The following STK3 variants were observed in gnomAD, a reference collection of about 807,000 sequenced individuals.
STK3 encodes serine/threonine-protein kinase 3.
In STK3, 41 loss-of-function variants were observed where a neutral mutation model predicts 58.0. The observed-to-expected ratio is 0.71, with a 90% CI of 0.55 to 0.92. The LOEUF (loss-of-function observed/expected upper bound fraction) is 0.92. STK3 is among the 40% of genes least tolerant of loss of function. The probability of loss-of-function intolerance (pLI) is 0.00; values close to 1 mark genes in which losing one functional copy is unlikely to be tolerated. For missense variants in STK3, 479 were observed against 602.7 expected, an observed-to-expected ratio of 0.79 and a Z score of 2.15; for synonymous variants, 170 against 191.0, an observed-to-expected ratio of 0.89 and a Z score of 0.91.
At chr8:98,375,853 A>G (rs1817669079) in intron 2 of STK3, among the ~76,000 whole-genome samples, 1 of 152,202 alleles carries the variant, frequency 6.6e-6, no homozygotes, top group Non-Finnish European at 1.5e-5. Flanking sequence ...ACAATTATAA[A>G]TAAAGGTACT....
intron 1 of STK3, among the ~76,000 whole-genome samples, chr8:98,884,363 A>G (rs1424740888): frequency 6.6e-6 from 1 of 152,190 alleles, no homozygotes; most frequent in Non-Finnish European, 1.5e-5. Flanking sequence ...TTTTTAAATA[A>G]AAAATCCCCA....
intron 4 of STK3, among the ~76,000 whole-genome samples, chr8:98,746,044 T>G (rs546708342): frequency 1.9e-4 from 29 of 152,206 alleles, no homozygotes; most frequent in Non-Finnish European, 4.1e-4. Flanking sequence ...AATACGATAC[T>G]ATAATCTTAT....
At chr8:98,798,950 C>G (rs559179106) in intron 1 of STK3, among the ~76,000 whole-genome samples, 1 of 152,222 alleles carries the variant, frequency 6.6e-6, no homozygotes, top group Non-Finnish European at 1.5e-5. Context: ...GAGGATATAG[C>G]AACAAGACAC....
intron 6 of STK3, among the ~76,000 whole-genome samples, chr8:98,689,854 G>C (rs139180331): frequency 8.6e-4 from 131 of 152,244 alleles, no homozygotes; most frequent in South Asian, 1.5e-3. Flanking sequence ...CCACCATCAA[G>C]TGGGCTTTAT....
chr8:98,404,652 C>A (rs935297864), intron 3 of STK3, among the ~76,000 whole-genome samples: 3 of 134,234 alleles, frequency 2.2e-5, no homozygotes, highest in African/African-American at 8.7e-5. Context: ...TGCACTCCAG[C>A]CTGGGTGAAA....
chr8:98,587,141 T>A (rs949846477), intron 7 of STK3, among the ~76,000 whole-genome samples: 107 of 152,178 alleles, frequency 7.0e-4, no homozygotes, highest in Non-Finnish European at 1.3e-3. Flanking sequence ...TTCTGCTAGC[T>A]TTTGAATGTG....
chr8:98,344,841 C>T, the STK3 span, among the ~76,000 whole-genome samples: 35,878 of 136,272 alleles, frequency 0.26, 5,227 homozygotes, highest in Admixed American at 0.42. Flanking sequence ...TGCAGTGAGC[C>T]GAGATCCCGC....
At chr8:98,856,087 G>A (rs934305890) in intron 3 of STK3, among the ~76,000 whole-genome samples, 2 of 147,680 alleles carry the variant, frequency 1.4e-5, no homozygotes, top group African/African-American at 2.5e-5. Flanking sequence ...CCCAGGAGGC[G>A]GAGGTTGCAG....
At chr8:98,463,178 G>T (rs1216870631) in intron 10 of STK3, 2 of 152,108 alleles carry the variant, frequency 1.3e-5, no homozygotes, top group Non-Finnish European at 2.9e-5. Context: ...ATTATGGATG[G>T]ATGAATATTG....
chr8:98,911,388 T>TG lies in STK3; in HGVS notation c.-78-27555_-78-27554insC, dbSNP rs138390674. Among the ~76,000 whole-genome samples, 480 of 151,942 alleles carry TG rather than the reference T, an allele frequency of 3.2e-3. 1 individual carries two copies. The highest frequency in any genetic ancestry group is 0.031 in the South Asian group (148 of 4,800). ...TACTCATATAAATATTGTATTGTAT[T>TG]TATTTATTTATTTATTTATTTTGGA... On this transcript the variant is annotated intron_variant, in intron 1 of 1. Coordinates refer to the STK3 transcript ENST00000519420.
At chr8:98,373,530 T>C (rs892718593) in intron 2 of STK3, among the ~76,000 whole-genome samples, 2 of 152,208 alleles carry the variant, frequency 1.3e-5, no homozygotes, top group Non-Finnish European at 2.9e-5. Flanking sequence ...AGGCAGGTAC[T>C]ATTTTCATGC....
intron 6 of STK3, among the ~76,000 whole-genome samples, chr8:98,609,698 C>T (rs527549299): frequency 1.3e-5 from 2 of 152,226 alleles, no homozygotes; most frequent in South Asian, 2.1e-4. Context: ...ATGGTGGTTC[C>T]GCCTGTAATC....
intron 3 of STK3, among the ~76,000 whole-genome samples, chr8:98,840,606 T>TAC (rs1215013538): frequency 1.5e-5 from 2 of 132,408 alleles, no homozygotes; most frequent in Non-Finnish European, 3.2e-5. Flanking sequence ...TATATATATA[T>TAC]ATATATATAT....
Position 98,579,806 on chromosome 8 carries a change from C to A in STK3, c.823-17G>T, listed in dbSNP as rs763528576. The A allele has an allele frequency of 6.4e-7, 1 of 1,562,672 alleles. No homozygotes were observed. On this transcript the variant is annotated splice_polypyrimidine_tract_variant and intron_variant, in intron 7 of 10. Transcript: ENST00000419617. ...AAAAGGATGCTAAAAAAGTAAAATT[C>A]AATGGTATAAATTCAAAAGATTTTT...
intron 7 of STK3, among the ~76,000 whole-genome samples, chr8:98,581,846 T>C (rs1813918308): frequency 6.6e-6 from 1 of 152,022 alleles, no homozygotes; most frequent in Non-Finnish European, 1.5e-5. Context: ...CTTTTTATGC[T>C]TGTTTTATAT....
intron 4 of STK3, among the ~76,000 whole-genome samples, chr8:98,732,380 GA>G (rs1049878184): frequency 6.6e-6 from 1 of 151,992 alleles, no homozygotes; most frequent in Non-Finnish European, 1.5e-5. Context: ...TCCAGAGGGG[GA>G]AAAAACCTAC....
chr8:98,572,443 T>C (rs759068620), intron 8 of STK3, among the ~76,000 whole-genome samples: 4 of 152,182 alleles, frequency 2.6e-5, no homozygotes, highest in Admixed American at 2.6e-4. Context: ...CATCAAGAGA[T>C]GTGTAGTCTA....
At chr8:98,621,228 C>A (rs1161601698) in intron 6 of STK3, among the ~76,000 whole-genome samples, 1 of 152,228 alleles carries the variant, frequency 6.6e-6, no homozygotes, top group South Asian at 2.1e-4. Context: ...GCATGAGCCA[C>A]CGCGCCCGGC....
intron 6 of STK3, among the ~76,000 whole-genome samples, chr8:98,639,728 T>C (rs1819872896): frequency 6.6e-6 from 1 of 152,220 alleles, no homozygotes; most frequent in East Asian, 1.9e-4. Flanking sequence ...CTTTCATATC[T>C]TTTTAAGTGT....
Sources: allele counts gnomAD v4.1 joint callset (sites outside exome capture counted in the v4.1 genomes callset), GRCh38; gene constraint gnomAD v4.1.1; transcripts MANE v1.5; gene names NCBI Gene and HGNC (gene_info 2026-07-23, HGNC 2026-07-21).